The following DNAJB14 variants were observed in gnomAD, a reference collection of about 807,000 sequenced individuals.
The protein encoded by DNAJB14 is dnaJ homolog subfamily B member 14.
DNAJB14 carries 22 observed loss-of-function variants against 48.4 expected under a neutral mutation model. The ratio of observed to expected loss-of-function variants is 0.45; its 90% CI spans 0.32 to 0.65. The LOEUF is 0.65. Ranked by LOEUF, DNAJB14 falls within the 30% of genes least tolerant of loss-of-function variation. DNAJB14 has a pLI of 0.03. For synonymous variants in DNAJB14, 142 were observed against 158.7 expected (o/e 0.89, Z 0.79); for missense variants, 319 against 458.8 (o/e 0.70, Z 2.78).
chr4:99,944,856 C>T (rs1036247466), intron 1 of DNAJB14, among the ~76,000 whole-genome samples: 2 of 152,206 alleles, frequency 1.3e-5, no homozygotes, highest in Admixed American at 1.3e-4. Flanking sequence ...GGATAACAGG[C>T]GTGAGCCACC....
chr4:99,938,256 C>G (rs1263274789), intron 1 of DNAJB14, among the ~76,000 whole-genome samples: 1 of 133,316 alleles, frequency 7.5e-6, no homozygotes, highest in African/African-American at 2.8e-5. Flanking sequence ...ATATACTCAT[C>G]AAAAATACCA....
chr4:99,940,800 A>G (rs1171293930), intron 1 of DNAJB14, among the ~76,000 whole-genome samples: 4 of 152,004 alleles, frequency 2.6e-5, no homozygotes, highest in Admixed American at 2.6e-4. Flanking sequence ...CATATTAGAG[A>G]TATCACCTTA....
chr4:99,908,592 A>G, intron 4 of DNAJB14, 119 bp downstream of exon 4: 1 of 740,292 alleles, frequency 1.4e-6, no homozygotes, highest in Middle Eastern at 3.4e-4. Context: ...AAACCATTAC[A>G]GGATCGTAAC....
chr4:99,901,879 T>C (rs1476396263), intron 7 of DNAJB14, among the ~76,000 whole-genome samples: 3 of 152,150 alleles, frequency 2.0e-5, no homozygotes, highest in Non-Finnish European at 1.5e-5. Flanking sequence ...AATCAGTTAC[T>C]TTCTGGAACA....
chr4:99,897,187 G>GAAAA lies in DNAJB14; in HGVS notation c.*3837_*3840dup, dbSNP rs200525523. ...TCACACATTTGAGGTAATTAGCTGG[G>GAAAA]AAAAAAAAAAAAAAATATATATATA... On this transcript the variant is annotated 3_prime_UTR_variant, in exon 8 of 8. Coordinates refer to ENST00000442697, the MANE Select transcript of DNAJB14 (RefSeq NM_001031723.4). 14 of 133,924 alleles carry GAAAA rather than the reference G, an allele frequency of 1.0e-4. No individual in the cohort carries two copies. Among genetic ancestry groups the GAAAA allele is most frequent in the Admixed American group, 3.7e-4 (5 of 13,362 alleles). 8.3% of individuals were successfully genotyped at this position (133,924 alleles called of 1,614,324 possible).
Position 99,923,190 on chromosome 4 carries a change from G to C in DNAJB14, c.306-5C>G. 1 of 1,604,272 alleles carries C rather than the reference G, an allele frequency of 6.2e-7. No individual in the cohort carries two copies. The highest frequency in any genetic ancestry group is 1.1e-5 in the South Asian group (1 of 88,468). On this transcript the variant is annotated splice_polypyrimidine_tract_variant and splice_region_variant and intron_variant, in intron 2 of 7. Transcript: ENST00000442697. ...TAATTTTTACATTTGTTTATGCTGTGAACAAGAGAGTGTGTTATAATGTAA... is the reference window on the plus strand; with the variant it reads ...TAATTTTTACATTTGTTTATGCTGTCAACAAGAGAGTGTGTTATAATGTAA...
chr4:99,940,013 A>G (rs1289875250), intron 1 of DNAJB14, among the ~76,000 whole-genome samples: 1 of 152,240 alleles, frequency 6.6e-6, no homozygotes, highest in Non-Finnish European at 1.5e-5. Context: ...GTACTGCTCT[A>G]CTAGGAGTTT....
At chr4:99,905,129 T>C (rs1466004791) in intron 6 of DNAJB14, among the ~76,000 whole-genome samples, 1 of 152,040 alleles carries the variant, frequency 6.6e-6, no homozygotes, top group Non-Finnish European at 1.5e-5. Flanking sequence ...TTCCTTTATG[T>C]CCTGACCTCT....
At chr4:99,920,570 G>A (rs967580782) in intron 3 of DNAJB14, among the ~76,000 whole-genome samples, 2 of 152,086 alleles carry the variant, frequency 1.3e-5, no homozygotes, top group African/African-American at 4.8e-5. Context: ...AAAGGAAAGG[G>A]ACTTATTTCA....
chr4:99,944,157 TA>T (rs1726982734), intron 1 of DNAJB14, among the ~76,000 whole-genome samples: 3 of 152,134 alleles, frequency 2.0e-5, no homozygotes, highest in Admixed American at 2.0e-4. Flanking sequence ...TCAACATCAC[TA>T]ATCATCAGAG....
chr4:99,930,533 C>CTT lies in DNAJB14; in HGVS notation c.220_221dup (p.Pro75SerfsTer24), dbSNP rs1211145764. 3 of 1,613,286 alleles carry CTT rather than the reference C, an allele frequency of 1.9e-6. No homozygotes were observed. Among genetic ancestry groups the CTT allele is most frequent in the Non-Finnish European group, 2.5e-6 (3 of 1,179,624 alleles). ...ATGTGCTGTCCTTTGTGCAATTAGG[C>CTT]TTGCTTTGATCGCCACTACCTGATG... On this transcript the variant is annotated frameshift_variant, in exon 2 of 8. Transcript: ENST00000442697. LOFTEE classifies it high-confidence loss of function.
At chr4:99,937,923 T>TAAAA (rs373465440) in intron 1 of DNAJB14, among the ~76,000 whole-genome samples, 1 of 119,944 alleles carries the variant, frequency 8.3e-6, no homozygotes, top group East Asian at 2.4e-4. Flanking sequence ...TCTATTTATT[T>TAAAA]AAAAAAAAAA....
At chr4:99,940,570 G>A (rs1726855021) in intron 1 of DNAJB14, among the ~76,000 whole-genome samples, 1 of 152,076 alleles carries the variant, frequency 6.6e-6, no homozygotes, top group Non-Finnish European at 1.5e-5. Flanking sequence ...CAGCCTGGGC[G>A]ACAGAACGAG....
intron 1 of DNAJB14, among the ~76,000 whole-genome samples, chr4:99,944,512 A>C (rs1413094077): frequency 1.3e-5 from 2 of 152,114 alleles, no homozygotes; most frequent in African/African-American, 4.8e-5. Flanking sequence ...GATTAACAAA[A>C]TGTGGTGTAT....
At chr4:99,908,177 CTAGT>C (rs10605185) in intron 4 of DNAJB14, among the ~76,000 whole-genome samples, 1,612 of 152,132 alleles carry the variant, frequency 0.011, 35 homozygotes, top group African/African-American at 0.036. Flanking sequence ...CTTTGATAGT[CTAGT>C]TAAAGTTAGC....
At chr4:99,902,120 C>G (rs549959561) in intron 7 of DNAJB14, among the ~76,000 whole-genome samples, 11 of 152,244 alleles carry the variant, frequency 7.2e-5, no homozygotes, top group South Asian at 6.2e-4. Flanking sequence ...AAATTTGAGA[C>G]TTAGATAAAC....
intron 2 of DNAJB14, chr4:99,924,730 G>C (rs1023734662): frequency 1.2e-6 from 2 of 1,609,746 alleles, no homozygotes; most frequent in African/African-American, 2.7e-5. Context: ...TAGAAAAAAA[G>C]GAAATGGGGG....
chr4:99,937,623 G>A (rs759946706), intron 1 of DNAJB14, among the ~76,000 whole-genome samples: 1 of 152,052 alleles, frequency 6.6e-6, no homozygotes, highest in Non-Finnish European at 1.5e-5. Flanking sequence ...CTACTCGGGA[G>A]GCTAAGGTAG....
In DNAJB14 at chr4:99,932,608, A is replaced by ATGTTT. The variant is rs1726516891; in HGVS notation, c.134-1988_134-1987insAAACA. 7.9e-5 allele frequency among the ~76,000 whole-genome samples: 12 copies of ATGTTT among 152,316 alleles called. No homozygotes were observed. In the South Asian group the frequency reaches 2.5e-3, roughly 32 times the overall value. On this transcript the variant is annotated intron_variant, in intron 1 of 7. Coordinates refer to ENST00000442697, the MANE Select transcript of DNAJB14 (RefSeq NM_001031723.4). The stretch of plus-strand genomic sequence containing the variant: ...AAAATCATCTAGTAGTTCTTTAAAA[A>ATGTTT]AGTAAACATAGTTACCATTTGACTC...
Sources: gnomAD v4.1 joint callset for allele counts (sites outside exome capture counted in the v4.1 genomes callset) on GRCh38, gnomAD v4.1.1 for gene constraint, MANE v1.5 for transcripts, NCBI Gene and HGNC (gene_info 2026-07-23, HGNC 2026-07-21) for gene names.